Variants in SPTBN2 observed in about 807,000 individuals in gnomAD.
The protein encoded by SPTBN2 is spectrin beta, non-erythrocytic 2, also known as spectrin beta chain, non-erythrocytic 2.
A neutral mutation model predicts 284.2 loss-of-function variants in SPTBN2; 107 were observed. That is an observed-to-expected ratio of 0.38 (90% CI 0.32 to 0.44). The LOEUF is 0.44. Ranked by LOEUF, SPTBN2 falls within the 20% of genes least tolerant of loss-of-function variation. The pLI is 1.00. For missense variants in SPTBN2, 2,569 were observed against 3,287.1 expected (o/e 0.78, Z 5.34); for synonymous variants, 1,289 against 1,354.8 (o/e 0.95, Z 1.07).
At chr11:66,720,578 G>A (rs1942350931) in intron 3 of SPTBN2, among the ~76,000 whole-genome samples, 1 of 152,204 alleles carries the variant, frequency 6.6e-6, no homozygotes, top group African/African-American at 2.4e-5. Context: ...GCAGCGGGTG[G>A]AGGGAACCTG....
chr11:66,685,364 T>C lies in SPTBN2; in HGVS notation c.*507A>G. ...GCTGGAGATGGAGTGGCAGCTGGAG[T>C]TACAGGGTGGGGGTGGGGAGGGAGG... is the stretch of plus-strand genomic sequence containing the variant. On this transcript the variant is annotated 3_prime_UTR_variant, in exon 38 of 38. Coordinates refer to ENST00000533211, the MANE Select transcript of SPTBN2 (RefSeq NM_006946.4). This position sits in a 1 kb window ranked among gnomAD's most constrained non-coding sequence, Gnocchi z 4.4. The C allele has an allele frequency of 5.8e-6, 1 of 171,490 alleles. No individual in the cohort carries two copies. Among genetic ancestry groups the C allele is most frequent in the South Asian group, 1.3e-4 (1 of 7,766 alleles). 10.6% of individuals were successfully genotyped at this position (171,490 alleles called of 1,614,324 possible).
intron 1 of SPTBN2, among the ~76,000 whole-genome samples, chr11:66,740,823 T>G (rs1942890786): frequency 6.6e-6 from 1 of 152,176 alleles, no homozygotes. Flanking sequence ...ATTTTCTACT[T>G]AAGTTCCTAG....
Position 66,729,024 on chromosome 11 carries a change from C to T in SPTBN2, c.-397G>A, listed in dbSNP as rs894809090. ...GCTCCAAACAGGCATCTCAGCGCTT[C>T]TCAGCTCCTCTCATTTATCAACCAG... On this transcript the variant is annotated 5_prime_UTR_variant, in exon 1 of 38. Transcript: ENST00000533211. 6.6e-6 allele frequency: 1 copy of T among 151,724 alleles called. No homozygotes were observed. Among genetic ancestry groups the T allele is most frequent in the African/African-American group, 2.4e-5 (1 of 41,120 alleles). 9.4% of individuals were successfully genotyped at this position (151,724 alleles called of 1,614,324 possible). A position where few individuals can be genotyped will look rare whatever the true frequency, so the allele number is the denominator to read the frequency against.
Position 66,699,595 on chromosome 11 carries a change from G to A in SPTBN2, c.3587C>T (p.Ser1196Phe). The A allele has an allele frequency of 6.2e-7, 1 of 1,614,084 alleles. No homozygotes were observed. The highest frequency in any genetic ancestry group is 1.1e-5 in the South Asian group (1 of 91,068). ...GAGTGTCCCTGGCATCTCCGTGTGA[G>A]ACAGAACATATTCCTGTGTGGGAGG... ...GVLSSQEYVL[S>F]HTEMPGTLQA... The change falls in exon 18 of 38, where the codon TCT becomes TTT. Residue 1196 changes from serine (S) to phenylalanine (F), a missense_variant. Physicochemically the swap from Ser to Phe is radical, Grantham distance 155. Transcript: ENST00000533211.
chr11:66,686,232 G>T (rs1264835828), intron 37 of SPTBN2, 128 bp from the exon 38 acceptor site: 5 of 1,379,850 alleles, frequency 3.6e-6, no homozygotes, highest in South Asian at 1.2e-5. Context: ...AGGAGAATGT[G>T]GCCGGCTTAG....
At chr11:66,730,157 CA>C (rs1942781784), upstream of SPTBN2, among the ~76,000 whole-genome samples, 1 of 152,058 alleles carries the variant, frequency 6.6e-6, no homozygotes, top group Non-Finnish European at 1.5e-5. Flanking sequence ...ATTAAAGAAA[CA>C]AGGGCATAAA....
chr11:66,687,901 C>G lies in SPTBN2; in HGVS notation c.6468G>C (p.Gln2156His), dbSNP rs894331418. 2 of 1,614,190 alleles carry G rather than the reference C, an allele frequency of 1.2e-6. No individual in the cohort carries two copies. Among genetic ancestry groups the G allele is most frequent in the Non-Finnish European group, 1.7e-6 (2 of 1,180,038 alleles). Residue 2156 changes from glutamine to histidine, a missense_variant, in exon 34 of 38, where the codon CAG (glutamine) becomes CAC (histidine). Coordinates refer to ENST00000533211, the MANE Select transcript of SPTBN2 (RefSeq NM_006946.4). This position sits in a 1 kb window ranked among gnomAD's most constrained non-coding sequence, Gnocchi z 5.2. ...GEPSQPLLGQ[Q>H]RLEHSSFPEG... is the part of the protein sequence containing the mutation. Reference sequence around the variant, plus strand: ...CGGGGAAGCTGCTGTGCTCAAGTCTCTGTTGTCCCAGCAGGGGCTGCAAGG... The same window carrying G: ...CGGGGAAGCTGCTGTGCTCAAGTCTGTGTTGTCCCAGCAGGGGCTGCAAGG...
At position 66,707,633 on chromosome 11, in the gene SPTBN2, G is replaced by A; in HGVS notation, c.1536C>T (p.Leu512=). The A allele has an allele frequency of 1.2e-6, 2 of 1,610,014 alleles. No individual in the cohort carries two copies. The highest frequency in any genetic ancestry group is 8.5e-7 in the Non-Finnish European group (1 of 1,179,980). Reference sequence around the variant, plus strand: ...CCACCATCTGCCGCAAGAAGTCCCAGAGCCGTGCCACGTTGTGCTGCCGAG... The same window carrying A: ...CCACCATCTGCCGCAAGAAGTCCCAAAGCCGTGCCACGTTGTGCTGCCGAG... ...IAARQHNVAR[L]WDFLRQMVAA... is the part of the protein sequence containing the mutation. Residue 512 remains leucine, a synonymous_variant, in exon 13 of 38, where the codon CTC becomes CTT. Coordinates refer to ENST00000533211, the MANE Select transcript of SPTBN2 (RefSeq NM_006946.4). This position sits in a 1 kb window ranked among gnomAD's most constrained non-coding sequence, Gnocchi z 4.9.
rs1161847185 is a variant in SPTBN2, at chr11:66,704,979, G to A, written c.2297C>T (p.Ala766Val). Residue 766 changes from alanine (A) to valine (V), a missense_variant, in exon 15 of 38, where the codon GCA becomes GTA. Ala to Val is a moderately conservative substitution (Grantham distance 64). This residue lies in a region of SPTBN2 where 1,012 missense variants were observed against 1,248.9 expected (regional missense o/e 0.81). Transcript: ENST00000533211. ...CTCGGGGCTGGACACCAGGCGCAGT[G>A]CGTCAACCAACCAGGCCTCCATGTC... ...ANDMEAWLVDALRLVSSPELG... is the reference protein window; with the variant it reads ...ANDMEAWLVDVLRLVSSPELG... The A allele has an allele frequency of 3.7e-6, 6 of 1,607,522 alleles. No homozygotes were observed. The highest frequency in any genetic ancestry group is 5.1e-6 in the Non-Finnish European group (6 of 1,179,882).
At position 66,710,209 on chromosome 11, in the gene SPTBN2, A is replaced by AT. The variant is rs983208750; in HGVS notation, c.1073+372dup. ...AGGCGTGTGCCACCATGCCCAGCTA[A>AT]TTTTTTTGTAATTTTAGTGGAGACG... On this transcript the variant is annotated intron_variant, in intron 10 of 37. Coordinates refer to ENST00000533211, the MANE Select transcript of SPTBN2 (RefSeq NM_006946.4). This position sits in a 1 kb window ranked among gnomAD's most constrained non-coding sequence, Gnocchi z 4.9. Among the ~76,000 whole-genome samples the AT allele has an allele frequency of 1.4e-4, 22 of 152,008 alleles. No homozygotes were observed. The highest frequency in any genetic ancestry group is 1.3e-3 in the Admixed American group (20 of 15,264).
intron 29 of SPTBN2, 134 bp from the exon 30 acceptor site, chr11:66,689,314 A>G (rs1940376016): frequency 1.0e-6 from 1 of 1,000,162 alleles, no homozygotes; most frequent in African/African-American, 1.6e-5. Context: ...CGCTCTTATC[A>G]CCAAGGCTGG....
In SPTBN2 at chr11:66,705,236, G is replaced by A. The variant is rs191074070; in HGVS notation, c.2040C>T (p.Leu680=). 3 of 1,559,502 alleles carry A rather than the reference G, an allele frequency of 1.9e-6. No homozygotes were observed. Among genetic ancestry groups the A allele is most frequent in the Non-Finnish European group, 2.6e-6 (3 of 1,158,322 alleles). Residue 680 remains leucine (L), a synonymous_variant, in exon 15 of 38, where the codon CTC becomes CTT. Coordinates refer to ENST00000533211, the MANE Select transcript of SPTBN2 (RefSeq NM_006946.4). The part of the protein sequence containing the change: ...GRDLTGALRL[L]NKHTALRGEM... ...CGCCCCGCAGGGCTGTGTGCTTGTT[G>A]AGCAGGCGGAGGGCACCGGTCAGGT...
At position 66,691,906 on chromosome 11, in the gene SPTBN2, G is replaced by A. The variant is rs1176739869; in HGVS notation, c.5191-248C>T. 6.6e-6 allele frequency among the ~76,000 whole-genome samples: 1 copy of A among 152,158 alleles called. No individual in the cohort carries two copies. Among genetic ancestry groups the A allele is most frequent in the Non-Finnish European group, 1.5e-5 (1 of 68,034 alleles). On this transcript the variant is annotated intron_variant, in intron 26 of 37. Transcript: ENST00000533211. The surrounding 1 kb of genome is among the most constrained non-coding windows in gnomAD (Gnocchi z 8.0). ...CTTGGGACCCTTAGGCTTCAGACAA[G>A]GATACCCTAACTATGGTCCATATTT... is the stretch of plus-strand genomic sequence containing the variant.
At position 66,688,771 on chromosome 11, in the gene SPTBN2, C is replaced by T. The variant is rs1279786449; in HGVS notation, c.6113G>A (p.Ser2038Asn). 2.5e-6 allele frequency: 4 copies of T among 1,613,424 alleles called. No homozygotes were observed. In the South Asian group the frequency reaches 3.3e-5, roughly 13 times the overall value. Residue 2038 changes from serine (S) to asparagine (N), a missense_variant, in exon 31 of 38, where the codon AGC (serine) becomes AAC (asparagine). Around this residue, in one of 6 missense-constraint regions of SPTBN2, gnomAD observed 1,130 missense variants for 1,317.3 expected, o/e 0.86. Coordinates refer to ENST00000533211, the MANE Select transcript of SPTBN2 (RefSeq NM_006946.4). ...GTCGACCGTGCAACCCAGCTCAGCG[C>T]TGCGCACCAGTGGCTCCTGGCTGCA... The part of the protein sequence containing the change: ...WLCSQEPLVR[S>N]AELGCTVDEV...
chr11:66,728,543 C>G (rs1217079970), intron 1 of SPTBN2, 198 bp downstream of exon 1: 1 of 151,210 alleles, frequency 6.6e-6, no homozygotes, highest in Admixed American at 6.6e-5. Context: ...AGGCCCCTCT[C>G]GGTGCTCCCC....
intron 1 of SPTBN2, among the ~76,000 whole-genome samples, chr11:66,742,894 G>A (rs1404034559): frequency 1.3e-5 from 2 of 152,228 alleles, no homozygotes; most frequent in African/African-American, 4.8e-5. Context: ...ACAGGCGTGA[G>A]CCACTGCGCC....
intron 25 of SPTBN2, 60 bp from the exon 26 acceptor site, chr11:66,692,800 T>C: frequency 6.3e-7 from 1 of 1,598,264 alleles, no homozygotes; most frequent in Non-Finnish European, 8.5e-7. Context: ...ACCTCCGGTC[T>C]GTTCTGTGGA....
chr11:66,737,518 T>C (rs1467118679), intron 1 of SPTBN2, among the ~76,000 whole-genome samples: 3 of 152,096 alleles, frequency 2.0e-5, no homozygotes, highest in African/African-American at 4.8e-5. Flanking sequence ...CTGGGACCAA[T>C]GGGTGGAAGA....
chr11:66,718,272 T>C lies in SPTBN2; in HGVS notation c.158-2291A>G, dbSNP rs1229766770. ...CCCCATTCCGTTGACATCTGTGTATTTTCCGGCCTCTTGTAATTATCCCCT... is the reference window on the plus strand; with the variant it reads ...CCCCATTCCGTTGACATCTGTGTATCTTCCGGCCTCTTGTAATTATCCCCT... On this transcript the variant is annotated intron_variant, in intron 3 of 37. Transcript: ENST00000533211. This position sits in a 1 kb window ranked among gnomAD's most constrained non-coding sequence, Gnocchi z 4.8. 1.3e-5 allele frequency among the ~76,000 whole-genome samples: 2 copies of C among 152,226 alleles called. No homozygotes were observed. The highest frequency in any genetic ancestry group is 3.9e-4 in the East Asian group (2 of 5,194).
Sources: gnomAD v4.1 joint callset for allele counts (sites outside exome capture counted in the v4.1 genomes callset) on GRCh38, gnomAD v4.1.1 for gene constraint, gnomAD v4.1.1 regional missense constraint, Gnocchi (gnomAD v3.1) non-coding constraint, MANE v1.5 for transcripts, NCBI Gene and HGNC (gene_info 2026-07-23, HGNC 2026-07-21) for gene names.